Variants in RMI1 observed in about 807,000 individuals in gnomAD.
The protein encoded by RMI1 is recQ-mediated genome instability protein 1.
In RMI1, 36 loss-of-function variants were observed where a neutral mutation model predicts 46.7. The ratio of observed to expected loss-of-function variants is 0.77; its 90% CI spans 0.59 to 1.02. RMI1 has a LOEUF of 1.02. Among genes scored for constraint, RMI1 ranks in the 50% least tolerant of loss-of-function variants. The probability of loss-of-function intolerance (pLI) is 0.00; values close to 1 mark genes in which losing one functional copy is unlikely to be tolerated. For missense variants in RMI1, 676 were observed against 713.7 expected, an observed-to-expected ratio of 0.95 and a Z score of 0.60; for synonymous variants, 250 against 252.9, an observed-to-expected ratio of 0.99 and a Z score of 0.11.
intron 1 of RMI1, among the ~76,000 whole-genome samples, chr9:83,991,716 C>T (rs1218094623): frequency 6.6e-6 from 1 of 152,246 alleles, no homozygotes; most frequent in African/African-American, 2.4e-5. Flanking sequence ...AGTTTTTACA[C>T]TTGGCTCTGT....
At chr9:83,990,996 G>A (rs1449275131) in intron 1 of RMI1, among the ~76,000 whole-genome samples, 2 of 151,824 alleles carry the variant, frequency 1.3e-5, no homozygotes, top group African/African-American at 4.8e-5. Context: ...TAGTAGAGAC[G>A]GGGTTTCTCC....
upstream of RMI1, chr9:83,980,743 C>T (rs1228312653): frequency 6.6e-6 from 1 of 152,294 alleles, no homozygotes; most frequent in Non-Finnish European, 1.5e-5. Context: ...CCGAAGGAGT[C>T]CTTTGGGGTT....
intron 1 of RMI1, among the ~76,000 whole-genome samples, chr9:83,999,383 A>AT (rs1957706171): frequency 6.6e-6 from 1 of 152,130 alleles, no homozygotes; most frequent in Non-Finnish European, 1.5e-5. Flanking sequence ...TTTACAAATC[A>AT]GATAAGGATA....
chr9:83,980,583 G>A (rs296888), upstream of RMI1: 45,399 of 152,832 alleles, frequency 0.3, 7,073 homozygotes, highest in African/African-American at 0.39. Context: ...GGCGTCTGCA[G>A]TGCTGTCGCC....
chr9:83,993,063 G>A (rs1588465525), intron 1 of RMI1: 1 of 150,870 alleles, frequency 6.6e-6, no homozygotes, highest in Non-Finnish European at 1.5e-5. Flanking sequence ...AACAAATTTT[G>A]AATACAATTT....
rs1957761843 is a variant in RMI1, at chr9:84,002,936, T to TA, written c.*73dup. 1 of 930,304 alleles carries TA rather than the reference T, an allele frequency of 1.1e-6. No homozygotes were observed. The highest frequency in any genetic ancestry group is 1.7e-5 in the African/African-American group (1 of 60,028). 57.6% of individuals were successfully genotyped at this position (930,304 alleles called of 1,614,324 possible). On this transcript the variant is annotated 3_prime_UTR_variant, in exon 3 of 3. Transcript: ENST00000445877. ...TTTAGAATTTGTTCACAATTTTACT[T>TA]ATGATACTTTGTGTAAAAAGGAAAA...
At chr9:83,986,370 G>A (rs182752051) in intron 1 of RMI1, among the ~76,000 whole-genome samples, 6 of 152,264 alleles carry the variant, frequency 3.9e-5, no homozygotes, top group South Asian at 2.1e-4. Flanking sequence ...TAGAATGGCC[G>A]TTTATATGTG....
At chr9:83,986,300 CTTG>C (rs1957489755) in intron 1 of RMI1, among the ~76,000 whole-genome samples, 1 of 152,086 alleles carries the variant, frequency 6.6e-6, no homozygotes, top group Non-Finnish European at 1.5e-5. Context: ...ATTAGATGGG[CTTG>C]TTATTTACGT....
rs1957710201 is a variant in RMI1 at position 83,999,659 on chromosome 9, T to A, written c.-125-50T>A. 2.0e-5 allele frequency: 3 copies of A among 152,332 alleles called. No homozygotes were observed. In the East Asian group the frequency reaches 5.8e-4, roughly 29 times the overall value. The allele number at this position is 152,332 out of a possible 1,614,324, so 9.4% of individuals were successfully genotyped here. A position where few individuals can be genotyped will look rare whatever the true frequency, so the allele number is the denominator to read the frequency against. Reference sequence around the variant, plus strand: ...TGCACTTAAGAAAATAGTCCTGTCTTTCTACAACTTCATCTTATAACTCTT... The same window carrying A: ...TGCACTTAAGAAAATAGTCCTGTCTATCTACAACTTCATCTTATAACTCTT... On this transcript the variant is annotated intron_variant, in intron 1 of 2. Transcript: ENST00000445877.
In RMI1 at chr9:84,002,470, C is replaced by T. The variant is rs144079234; in HGVS notation, c.1484C>T (p.Ser495Phe). The T allele has an allele frequency of 6.2e-7, 1 of 1,613,774 alleles. No homozygotes were observed. Among genetic ancestry groups the T allele is most frequent in the East Asian group, 2.2e-5 (1 of 44,840 alleles). Residue 495 changes from serine to phenylalanine, a missense_variant, in exon 3 of 3, where the codon TCT (serine) becomes TTT (phenylalanine). By Grantham distance (155) the Ser-to-Phe change is radical. Transcript: ENST00000445877. ...DLYSPPFVYL[S>F]VLMASKPKEV... is the part of the protein sequence containing the mutation. ...TATTCTCCACCCTTTGTCTATTTGT[C>T]TGTTCTAATGGCCAGCAAACCAAAG...
intron 1 of RMI1, among the ~76,000 whole-genome samples, chr9:83,989,004 A>G (rs912494691): frequency 2.6e-5 from 4 of 152,056 alleles, no homozygotes; most frequent in African/African-American, 9.7e-5. Flanking sequence ...CCACAGGCAC[A>G]TGCCACCATG....
Position 84,000,958 on chromosome 9 carries a change from A to G in RMI1, c.-29A>G. On this transcript the variant is annotated 5_prime_UTR_variant, in exon 3 of 3. The change abolishes an upstream ATG in the 5' untranslated region. Transcript: ENST00000445877. The stretch of plus-strand genomic sequence containing the variant: ...TTTGTTTTTTGTTTTCAGGTAATAG[A>G]TGCATATTATTTCTTTTATTTAAAA... 6.6e-7 allele frequency: 1 copy of G among 1,515,670 alleles called. No homozygotes were observed. Among genetic ancestry groups the G allele is most frequent in the Non-Finnish European group, 8.9e-7 (1 of 1,124,976 alleles). 93.9% of individuals were successfully genotyped at this position (1,515,670 alleles called of 1,614,324 possible). A position where few individuals can be genotyped will look rare whatever the true frequency, so the allele number is the denominator to read the frequency against.
intron 1 of RMI1, among the ~76,000 whole-genome samples, chr9:83,991,011 T>C (rs1957565715): frequency 1.3e-5 from 2 of 152,034 alleles, no homozygotes; most frequent in South Asian, 4.2e-4. Flanking sequence ...TTCTCCACGT[T>C]GGTCAGGCTG....
intron 1 of RMI1, among the ~76,000 whole-genome samples, chr9:83,998,529 A>G (rs1957692256): frequency 6.6e-6 from 1 of 152,214 alleles, no homozygotes; most frequent in African/African-American, 2.4e-5. Flanking sequence ...GTTTAGAGGC[A>G]GTGATAAGGA....
rs767983074 is a variant in RMI1 at position 84,001,358 on chromosome 9, A to G, written c.372A>G (p.Pro124=). ...TTACAGCTGAAGCACAAGTAACCCC[A>G]AAACCTTGGGAAGCAAAGCCTTCAC... ...DLVTAEAQVT[P]KPWEAKPSRM... is the part of the protein sequence containing the mutation. The change falls in exon 3 of 3, where the codon CCA becomes CCG. Residue 124 remains proline, a synonymous_variant. Transcript: ENST00000445877. The G allele has an allele frequency of 8.7e-6, 14 of 1,614,038 alleles. No homozygotes were observed. Among genetic ancestry groups the G allele is most frequent in the Non-Finnish European group, 1.2e-5 (14 of 1,180,004 alleles).
chr9:83,986,056 TA>T (rs571617768), intron 1 of RMI1, among the ~76,000 whole-genome samples: 3 of 151,510 alleles, frequency 2.0e-5, no homozygotes, highest in Non-Finnish European at 4.4e-5. Flanking sequence ...AGTTTGGAAT[TA>T]AAAAAAAATT....
intron 1 of RMI1, among the ~76,000 whole-genome samples, chr9:83,997,988 G>C (rs1957683137): frequency 6.6e-6 from 1 of 151,832 alleles, no homozygotes; most frequent in Non-Finnish European, 1.5e-5. Context: ...TTAAAGATGG[G>C]ATCTTGCTTT....
At chr9:83,982,358 C>T (rs1957425146) in intron 1 of RMI1, among the ~76,000 whole-genome samples, 1 of 152,136 alleles carries the variant, frequency 6.6e-6, no homozygotes, top group African/African-American at 2.4e-5. Context: ...CACAAGTAAG[C>T]AGCCCTATAT....
In RMI1 at chr9:84,001,353, A is replaced by T. The variant is rs760261727; in HGVS notation, c.367A>T (p.Thr123Ser). ...NDLVTAEAQV[T>S]PKPWEAKPSR... ...TCTAGTTACAGCTGAAGCACAAGTA[A>T]CCCCAAAACCTTGGGAAGCAAAGCC... The change falls in exon 3 of 3, where the codon ACC becomes TCC. Residue 123 changes from threonine to serine, a missense_variant. Thr to Ser is a moderately conservative substitution (Grantham distance 58, BLOSUM62 1). Transcript: ENST00000445877. 1.2e-6 allele frequency: 2 copies of T among 1,614,128 alleles called. No homozygotes were observed. The highest frequency in any genetic ancestry group is 2.7e-5 in the African/African-American group (2 of 75,056).
Sources: allele counts gnomAD v4.1 joint callset (sites outside exome capture counted in the v4.1 genomes callset), GRCh38; gene constraint gnomAD v4.1.1; transcripts MANE v1.5; gene names NCBI Gene and HGNC (gene_info 2026-07-23, HGNC 2026-07-21).